The following PIEZO2 variants were observed in gnomAD, a reference collection of about 807,000 sequenced individuals.
PIEZO2 encodes the protein piezo type mechanosensitive ion channel component 2.
PIEZO2 carries 172 observed loss-of-function variants against 337.3 expected under a neutral mutation model. That is an observed-to-expected ratio of 0.51 (90% CI 0.45 to 0.58). PIEZO2 has a LOEUF of 0.58. Ranked by LOEUF, PIEZO2 falls within the 20% of genes least tolerant of loss-of-function variation. The pLI, the probability that PIEZO2 is intolerant of heterozygous loss-of-function variation, is 0.00. For missense variants in PIEZO2, 3,028 were observed against 3,391.3 expected, an observed-to-expected ratio of 0.89 and a Z score of 2.66; for synonymous variants, 1,251 against 1,228.5, an observed-to-expected ratio of 1.02 and a Z score of -0.38.
chr18:10,841,696 A>T (rs1220810322), intron 7 of PIEZO2, among the ~76,000 whole-genome samples: 1 of 152,222 alleles, frequency 6.6e-6, no homozygotes, highest in East Asian at 1.9e-4. Context: ...CTCCTTCAGG[A>T]TGAAATGAAA....
rs1224153174 is a variant in PIEZO2, at chr18:10,741,061, ACTG to A, written c.4675_4677del (p.Gln1559del). 6.5e-7 allele frequency: 1 copy of A among 1,537,098 alleles called. No homozygotes were observed. The highest frequency in any genetic ancestry group is 8.7e-7 in the Non-Finnish European group (1 of 1,146,844). ...GCATGATCAACCCAAGGCCGCCACC[ACTG>A]CTTTTTTTTGCCCTTGGCTTTCTGT... On this transcript the variant is annotated inframe_deletion, in exon 33 of 56. Transcript: ENST00000674853.
In PIEZO2 at chr18:11,083,484, A is replaced by G. The variant is rs1370876106; in HGVS notation, c.65-17262T>C. 1.3e-5 allele frequency among the ~76,000 whole-genome samples: 2 copies of G among 152,174 alleles called. No individual in the cohort carries two copies. The highest frequency in any genetic ancestry group is 2.9e-5 in the Non-Finnish European group (2 of 68,028). On this transcript the variant is annotated intron_variant, in intron 1 of 55. Coordinates refer to ENST00000674853, the MANE Select transcript of PIEZO2 (RefSeq NM_001378183.1). This position sits in a 1 kb window ranked among gnomAD's most constrained non-coding sequence, Gnocchi z 4.4. The stretch of plus-strand genomic sequence containing the variant: ...ATGATGCTGGCTGTGGCTTGGGGAA[A>G]TGGAGGGGAACTAGAGAGAGGAGAA...
chr18:11,042,529 T>G (rs1235986051), intron 2 of PIEZO2, among the ~76,000 whole-genome samples: 1 of 152,260 alleles, frequency 6.6e-6, no homozygotes, highest in African/African-American at 2.4e-5. Flanking sequence ...AAAACAATGA[T>G]GCCCTGAGAT....
intron 2 of PIEZO2, among the ~76,000 whole-genome samples, chr18:10,999,473 C>T (rs1164230469): frequency 1.3e-5 from 2 of 152,024 alleles, no homozygotes; most frequent in Admixed American, 1.3e-4. Context: ...CTTTTCTTGT[C>T]CTTATTCTCT....
In PIEZO2 at chr18:10,770,347, TA is replaced by T. The variant is rs1305874915; in HGVS notation, c.2786-40del. ...AGTACAGACAAGAGCATAACATTTT[TA>T]AAAATATTATCATTTAAAGCATATC... On this transcript the variant is annotated intron_variant, in intron 20 of 55. Coordinates refer to ENST00000674853, the MANE Select transcript of PIEZO2 (RefSeq NM_001378183.1). 8 of 1,488,018 alleles carry T rather than the reference TA, an allele frequency of 5.4e-6. No individual in the cohort carries two copies. In the Admixed American group the frequency reaches 1.6e-4, roughly 30 times the overall value. 92.2% of individuals were successfully genotyped at this position (1,488,018 alleles called of 1,614,324 possible). A position where few individuals can be genotyped will look rare whatever the true frequency, so the allele number is the denominator to read the frequency against.
At chr18:10,758,974 A>T (rs1051531752) in intron 26 of PIEZO2, among the ~76,000 whole-genome samples, 1 of 152,124 alleles carries the variant, frequency 6.6e-6, no homozygotes, top group Non-Finnish European at 1.5e-5. Flanking sequence ...TGTAAAACCC[A>T]GCACTCTGGT....
At chr18:10,675,454 A>G (rs1168854679) in intron 53 of PIEZO2, among the ~76,000 whole-genome samples, 166 bp from the exon 54 acceptor site, 1 of 152,178 alleles carries the variant, frequency 6.6e-6, no homozygotes, top group East Asian at 1.9e-4. Flanking sequence ...ATTACAGTCA[A>G]AACTCTCTCA....
chr18:11,102,703 G>A lies in PIEZO2; in HGVS notation c.65-36481C>T, dbSNP rs1401982153. Among the ~76,000 whole-genome samples, 2 of 152,148 alleles carry A rather than the reference G, an allele frequency of 1.3e-5. No homozygotes were observed. The highest frequency in any genetic ancestry group is 3.9e-4 in the East Asian group (2 of 5,194). On this transcript the variant is annotated intron_variant, in intron 1 of 55. Transcript: ENST00000674853. The surrounding 1 kb of genome is among the most constrained non-coding windows in gnomAD (Gnocchi z 5.7). ...GGAAAGGCACTGCCCCCTTCCAATT[G>A]CAGACTGATTCCCCTCTGCCCATGA...
At chr18:10,938,492 C>T (rs2032525402) in intron 3 of PIEZO2, among the ~76,000 whole-genome samples, 1 of 152,120 alleles carries the variant, frequency 6.6e-6, no homozygotes, top group Admixed American at 6.5e-5. Context: ...CCTTAAGAGG[C>T]CTCCTTGGGA....
chr18:11,034,556 G>A (rs891218868), intron 2 of PIEZO2, among the ~76,000 whole-genome samples: 3 of 152,178 alleles, frequency 2.0e-5, no homozygotes, highest in African/African-American at 7.2e-5. Context: ...GCCTCCCAAA[G>A]TGCTGGGATT....
chr18:10,960,889 TG>T (rs1437009894), intron 3 of PIEZO2, among the ~76,000 whole-genome samples: 1 of 152,108 alleles, frequency 6.6e-6, no homozygotes, highest in Non-Finnish European at 1.5e-5. Flanking sequence ...ATTAAGAAAC[TG>T]TGGTATGGCC....
intron 1 of PIEZO2, among the ~76,000 whole-genome samples, chr18:11,068,887 G>A (rs1038827059): frequency 6.6e-6 from 1 of 152,086 alleles, no homozygotes; most frequent in Non-Finnish European, 1.5e-5. Flanking sequence ...AGATTTCTAT[G>A]AGCAATTATA....
chr18:11,136,584 C>T (rs965647014), intron 1 of PIEZO2, among the ~76,000 whole-genome samples: 2 of 152,250 alleles, frequency 1.3e-5, no homozygotes, highest in African/African-American at 4.8e-5. Flanking sequence ...ATTAACTAAG[C>T]ATGAGCAAGC....
rs573730615 is a variant in PIEZO2 at position 10,960,464 on chromosome 18, A to G, written c.286+19071T>C. ...AAGAGTGAGATACCCAATCCCCTCA[A>G]AAGTCATTTATAGACACAGGGTATC... On this transcript the variant is annotated intron_variant, in intron 3 of 55. Transcript: ENST00000674853. Among the ~76,000 whole-genome samples, 4 of 152,326 alleles carry G rather than the reference A, an allele frequency of 2.6e-5. No individual in the cohort carries two copies. In the East Asian group the frequency reaches 7.7e-4, roughly 29 times the overall value.
At chr18:10,809,240 A>G (rs1209083436) in intron 7 of PIEZO2, among the ~76,000 whole-genome samples, 1 of 143,010 alleles carries the variant, frequency 7.0e-6, no homozygotes, top group East Asian at 2.1e-4. Flanking sequence ...ATAAAACCTA[A>G]GATTTCTCTC....
intron 2 of PIEZO2, among the ~76,000 whole-genome samples, chr18:10,992,619 T>C (rs560490308): frequency 7.0e-4 from 106 of 152,348 alleles, no homozygotes; most frequent in African/African-American, 2.5e-3. Context: ...CATGCTGTTT[T>C]GGTTGTTGTA....
intron 7 of PIEZO2, among the ~76,000 whole-genome samples, chr18:10,849,553 A>T (rs1266959528): frequency 6.6e-6 from 1 of 152,124 alleles, no homozygotes; most frequent in African/African-American, 2.4e-5. Flanking sequence ...CTGCATCGTT[A>T]ACGCAGGATG....
Position 11,092,579 on chromosome 18 carries a change from C to A in PIEZO2, c.65-26357G>T, listed in dbSNP as rs983050539. On this transcript the variant is annotated intron_variant, in intron 1 of 55. Transcript: ENST00000674853. This position sits in a 1 kb window ranked among gnomAD's most constrained non-coding sequence, Gnocchi z 4.5. ...AAAATAAGTTATTAATGTTAAAATT[C>A]TTTTTTAAATTCCCTTGAAAAAACC... 6.6e-6 allele frequency among the ~76,000 whole-genome samples: 1 copy of A among 152,040 alleles called. No individual in the cohort carries two copies. The highest frequency in any genetic ancestry group is 2.1e-4 in the South Asian group (1 of 4,818).
chr18:10,844,304 C>T (rs28617258), intron 7 of PIEZO2, among the ~76,000 whole-genome samples: 48,217 of 151,588 alleles, frequency 0.32, 8,320 homozygotes, highest in East Asian at 0.65. Context: ...CCTGTAGTCC[C>T]AGCTACTTAG....
Sources: gnomAD v4.1 joint callset for allele counts (sites outside exome capture counted in the v4.1 genomes callset) on GRCh38, gnomAD v4.1.1 for gene constraint, Gnocchi (gnomAD v3.1) non-coding constraint, MANE v1.5 for transcripts, NCBI Gene and HGNC (gene_info 2026-07-23, HGNC 2026-07-21) for gene names.